CSMD1: variants seen among roughly 807,000 people sequenced by gnomAD.
CSMD1 encodes CUB and Sushi multiple domains 1.
Under a neutral mutation model 417.5 loss-of-function variants are expected in CSMD1, and 213 were observed. The observed-to-expected ratio is 0.51, with a 90% CI of 0.46 to 0.57. The LOEUF is 0.57. Ranked by LOEUF, CSMD1 falls within the 20% of genes least tolerant of loss-of-function variation. CSMD1 has a pLI of 0.00. For synonymous variants in CSMD1, 2,862 were observed against 1,736.8 expected (o/e 1.65, Z -16.11); for missense variants, 6,923 against 4,529.7 (o/e 1.53, Z -15.17).
At chr8:4,770,316 C>G (rs1461386936) in intron 1 of CSMD1, among the ~76,000 whole-genome samples, 2 of 147,308 alleles carry the variant, frequency 1.4e-5, no homozygotes, top group South Asian at 2.1e-4. Context: ...TAATTAGCAA[C>G]TATATATGTA....
At position 4,897,217 on chromosome 8, in the gene CSMD1, C is replaced by A. The variant is rs576086183; in HGVS notation, c.85+97115G>T. 1.3e-4 allele frequency among the ~76,000 whole-genome samples: 20 copies of A among 152,126 alleles called. 1 individual carries two copies. In the South Asian group the frequency reaches 3.5e-3, roughly 27 times the overall value. On this transcript the variant is annotated intron_variant, in intron 1 of 69. Transcript: ENST00000635120. ...GGGAGGTAGAATAAAACTCACAACA[C>A]GTCTGTTTTGTTTCTACTGTGTCAA...
intron 5 of CSMD1, among the ~76,000 whole-genome samples, chr8:3,867,820 C>A (rs1805208806): frequency 6.6e-6 from 1 of 152,094 alleles, no homozygotes; most frequent in African/African-American, 2.4e-5. Context: ...CTGACCTTCC[C>A]TCAATTCTAG....
chr8:3,357,974 C>T lies in CSMD1; in HGVS notation c.3304+1178G>A, dbSNP rs150092859. Among the ~76,000 whole-genome samples the T allele has an allele frequency of 4.3e-4, 66 of 151,904 alleles. No homozygotes were observed. In the East Asian group the frequency reaches 0.011, roughly 26 times the overall value. ...AAATTCTGACTGTGTATCTCTGGTT[C>T]GTTAAAATCCAGAAATATAGCTTTA... is the stretch of plus-strand genomic sequence containing the variant. On this transcript the variant is annotated intron_variant, in intron 21 of 69. Transcript: ENST00000635120.
At chr8:3,744,915 C>T (rs1040382735) in intron 6 of CSMD1, among the ~76,000 whole-genome samples, 12 of 152,100 alleles carry the variant, frequency 7.9e-5, no homozygotes, top group African/African-American at 1.4e-4. Context: ...GTTGAGTGGG[C>T]CTGAAGCAGA....
At chr8:3,628,628 G>C (rs1392409136) in intron 7 of CSMD1, among the ~76,000 whole-genome samples, 1 of 152,110 alleles carries the variant, frequency 6.6e-6, no homozygotes, top group African/African-American at 2.4e-5. Context: ...CTCAGAGGGA[G>C]GCAGCTCCCG....
At chr8:4,675,757 A>G (rs939770839) in intron 1 of CSMD1, among the ~76,000 whole-genome samples, 4 of 152,128 alleles carry the variant, frequency 2.6e-5, no homozygotes, top group Non-Finnish European at 5.9e-5. Flanking sequence ...ATTGCATTCT[A>G]CTTGTCAACA....
intron 1 of CSMD1, among the ~76,000 whole-genome samples, chr8:4,729,903 G>C (rs1301028700): frequency 2.6e-5 from 4 of 152,120 alleles, no homozygotes; most frequent in African/African-American, 7.2e-5. Context: ...TGAAACTTCA[G>C]CGGGAGTTTT....
intron 2 of CSMD1, among the ~76,000 whole-genome samples, chr8:4,570,770 C>T (rs1798854691): frequency 6.6e-6 from 1 of 152,058 alleles, no homozygotes; most frequent in Admixed American, 6.6e-5. Context: ...ATCTGTCTGT[C>T]CTGGGCTTTT....
chr8:4,963,391 G>C (rs1200203095), intron 1 of CSMD1, among the ~76,000 whole-genome samples: 1 of 151,932 alleles, frequency 6.6e-6, no homozygotes, highest in Non-Finnish European at 1.5e-5. Context: ...GTAGAGACGA[G>C]GTTTCACCAT....
intron 2 of CSMD1, among the ~76,000 whole-genome samples, chr8:4,552,274 G>A (rs1203044164): frequency 6.6e-6 from 1 of 152,080 alleles, no homozygotes; most frequent in Non-Finnish European, 1.5e-5. Context: ...TGCTTCAGAA[G>A]GACCTGGGAA....
chr8:3,459,055 C>T (rs1035941018), intron 12 of CSMD1, among the ~76,000 whole-genome samples: 2 of 152,302 alleles, frequency 1.3e-5, no homozygotes, highest in Admixed American at 6.5e-5. Context: ...AGAAGGGAAG[C>T]GGCATGAGCG....
At chr8:3,618,539 T>C (rs1289418987) in intron 7 of CSMD1, among the ~76,000 whole-genome samples, 1 of 152,152 alleles carries the variant, frequency 6.6e-6, no homozygotes, top group Non-Finnish European at 1.5e-5. Flanking sequence ...TTCCAAAATT[T>C]TATTTTCTAA....
At chr8:3,132,330 T>C (rs1817834262) in intron 41 of CSMD1, among the ~76,000 whole-genome samples, 1 of 152,094 alleles carries the variant, frequency 6.6e-6, no homozygotes, top group Admixed American at 6.6e-5. Flanking sequence ...TACATTCTCA[T>C]GCTAGCCTAA....
At chr8:3,986,196 C>T (rs58977584) in intron 5 of CSMD1, among the ~76,000 whole-genome samples, 8 of 151,876 alleles carry the variant, frequency 5.3e-5, no homozygotes, top group Admixed American at 2.6e-4. Flanking sequence ...AGCTGCCCCT[C>T]GGTCCTGAGA....
At chr8:4,332,208 G>A (rs146811668) in intron 3 of CSMD1, among the ~76,000 whole-genome samples, 32 of 152,176 alleles carry the variant, frequency 2.1e-4, no homozygotes, top group African/African-American at 3.9e-4. Context: ...TGAGCAAACA[G>A]GTGCGGATCC....
intron 3 of CSMD1, among the ~76,000 whole-genome samples, chr8:4,253,219 T>C (rs574928929): frequency 1.3e-5 from 2 of 152,340 alleles, no homozygotes; most frequent in South Asian, 2.1e-4. Flanking sequence ...TTCCTAGTTA[T>C]CATTCATGGC....
At chr8:4,314,855 C>A (rs992240767) in intron 3 of CSMD1, among the ~76,000 whole-genome samples, 1 of 152,180 alleles carries the variant, frequency 6.6e-6, no homozygotes, top group African/African-American at 2.4e-5. Flanking sequence ...CTGCGACAAG[C>A]TGGGTGTTAG....
intron 22 of CSMD1, 96 bp from the exon 23 acceptor site, chr8:3,343,546 T>G (rs1807798637): frequency 9.3e-7 from 1 of 1,069,688 alleles, no homozygotes; most frequent in Non-Finnish European, 1.3e-6. Flanking sequence ...AGATGCAGTT[T>G]TAAACAATAC....
chr8:4,196,580 A>G (rs1799352636), intron 3 of CSMD1, among the ~76,000 whole-genome samples: 1 of 151,978 alleles, frequency 6.6e-6, no homozygotes, highest in Non-Finnish European at 1.5e-5. Flanking sequence ...AGACTACCAC[A>G]TTCTCTGGGG....
Sources: allele counts gnomAD v4.1 joint callset (sites outside exome capture counted in the v4.1 genomes callset), GRCh38; gene constraint gnomAD v4.1.1; transcripts MANE v1.5; gene names NCBI Gene and HGNC (gene_info 2026-07-23, HGNC 2026-07-21).